The following MYORG variants were observed in gnomAD, a reference collection of about 807,000 sequenced individuals.
MYORG encodes myogenesis regulating glycosidase.
MYORG carries 45 observed loss-of-function variants against 49.8 expected under a neutral mutation model. That is an observed-to-expected ratio of 0.90 (90% CI 0.71 to 1.16). The LOEUF (loss-of-function observed/expected upper bound fraction) is 1.16, where lower values mean the gene tolerates loss of function less well. MYORG is among the 50% of genes most tolerant of loss of function. The pLI, the probability that MYORG is intolerant of heterozygous loss-of-function variation, is 0.00. For missense variants in MYORG, 1,110 were observed against 1,026.5 expected, an observed-to-expected ratio of 1.08 and a Z score of -1.11; for synonymous variants, 552 against 462.9, an observed-to-expected ratio of 1.19 and a Z score of -2.47.
In MYORG at chr9:34,371,959, C is replaced by T; in HGVS notation, c.985G>A (p.Asp329Asn). The T allele has an allele frequency of 6.2e-7, 1 of 1,614,024 alleles. No homozygotes were observed. The highest frequency in any genetic ancestry group is 1.1e-5 in the South Asian group (1 of 91,082). ...GCAAAACGCAGCACCTTGTCCTGGT[C>T]CACGGCGCGCCCGTACAGCGCCCAT... ...STWALYGRAVDQDKVLRFAQQ... is the reference protein window; with the variant it reads ...STWALYGRAVNQDKVLRFAQQ... The change falls in exon 2 of 2, where the codon GAC (aspartate) becomes AAC (asparagine). Residue 329 changes from aspartate (D) to asparagine (N), a missense_variant. Coordinates refer to ENST00000297625, the MANE Select transcript of MYORG (RefSeq NM_020702.5).
Position 34,372,970 on chromosome 9 carries a change from C to A in MYORG, c.-27G>T, listed in dbSNP as rs1307983798. ...AGTGGGCTGCTAAGAAAGGAGCGGG[C>A]CGTGGGGCCATCTGACTGAGTTCAT... On this transcript the variant is annotated 5_prime_UTR_variant, in exon 2 of 2. Coordinates refer to ENST00000297625, the MANE Select transcript of MYORG (RefSeq NM_020702.5). 1 of 1,602,842 alleles carries A rather than the reference C, an allele frequency of 6.2e-7. No homozygotes were observed. The highest frequency in any genetic ancestry group is 8.5e-7 in the Non-Finnish European group (1 of 1,172,708).
chr9:34,372,735 G>A lies in MYORG; in HGVS notation c.209C>T (p.Ala70Val), dbSNP rs1308338786. 4 of 1,613,486 alleles carry A rather than the reference G, an allele frequency of 2.5e-6. No individual in the cohort carries two copies. Among genetic ancestry groups the A allele is most frequent in the Non-Finnish European group, 3.4e-6 (4 of 1,179,700 alleles). Reference protein sequence around the residue: ...SAVLGLLLVLAAVVAWCYYSV... With the variant: ...SAVLGLLLVLVAVVAWCYYSV... ...GTAGTAGCACCAGGCCACCACCGCG[G>A]CCAGCACAAGCAGCAGCCCCAGAAC... The change falls in exon 2 of 2, where the codon GCC (alanine) becomes GTC (valine). Residue 70 changes from alanine to valine, a missense_variant. Physicochemically the swap from Ala to Val is moderately conservative, Grantham distance 64 (BLOSUM62 0). Transcript: ENST00000297625.
rs1342527853 is a variant in MYORG, at chr9:34,372,555, G to T, written c.389C>A (p.Ala130Asp). Residue 130 changes from alanine (A) to aspartate (D), a missense_variant, in exon 2 of 2, where the codon GCC (alanine) becomes GAC (aspartate). Coordinates refer to ENST00000297625, the MANE Select transcript of MYORG (RefSeq NM_020702.5). ...GGCCGTGAGCGAGCAGCCCAGCAGGGCGCCATCGCGGCTGCAGGAGTCAAG... is the reference window on the plus strand; with the variant it reads ...GGCCGTGAGCGAGCAGCCCAGCAGGTCGCCATCGCGGCTGCAGGAGTCAAG... ...LDLDSCSRDG[A>D]LLGCSLTADG... 3.7e-6 allele frequency: 6 copies of T among 1,601,858 alleles called. No homozygotes were observed. Among genetic ancestry groups the T allele is most frequent in the Non-Finnish European group, 5.1e-6 (6 of 1,174,920 alleles).
Position 34,367,295 on chromosome 9 carries a change from T to C in MYORG, c.*3504A>G, listed in dbSNP as rs1170409273. ...TGGATGGGGACACAGCCAAACCATATCATTCTCTCCCTGGCCCCTCCCAAA... is the reference window on the plus strand; with the variant it reads ...TGGATGGGGACACAGCCAAACCATACCATTCTCTCCCTGGCCCCTCCCAAA... On this transcript the variant is annotated 3_prime_UTR_variant, in exon 2 of 2. Transcript: ENST00000297625. 4 of 152,114 alleles carry C rather than the reference T, an allele frequency of 2.6e-5. No homozygotes were observed. The highest frequency in any genetic ancestry group is 6.5e-5 in the Admixed American group (1 of 15,276). The allele number at this position is 152,114 out of a possible 1,614,324, so 9.4% of individuals were successfully genotyped here.
At position 34,372,677 on chromosome 9, in the gene MYORG, G is replaced by A. The variant is rs781425533; in HGVS notation, c.267C>T (p.Arg89=). The change falls in exon 2 of 2, where the codon CGC becomes CGT. Residue 89 remains arginine (R), a synonymous_variant. Coordinates refer to ENST00000297625, the MANE Select transcript of MYORG (RefSeq NM_020702.5). ...SVSLRKAERL[R]AELLDLKAGG... Reference sequence around the variant, plus strand: ...CAGCTTTCAGGTCCAGCAGCTCCGCGCGAAGTCGCTCCGCCTTGCGTAGGG... The same window carrying A: ...CAGCTTTCAGGTCCAGCAGCTCCGCACGAAGTCGCTCCGCCTTGCGTAGGG... 1 of 1,609,152 alleles carries A rather than the reference G, an allele frequency of 6.2e-7. No individual in the cohort carries two copies. The highest frequency in any genetic ancestry group is 2.2e-5 in the East Asian group (1 of 44,732).
Position 34,372,190 on chromosome 9 carries a change from T to C in MYORG, c.754A>G (p.Thr252Ala). 6.2e-7 allele frequency: 1 copy of C among 1,612,110 alleles called. No individual in the cohort carries two copies. Among genetic ancestry groups the C allele is most frequent in the Non-Finnish European group, 8.5e-7 (1 of 1,179,494 alleles). The change falls in exon 2 of 2, where the codon ACG (threonine) becomes GCG (alanine). Residue 252 changes from threonine to alanine, a missense_variant. By Grantham distance (58) the Thr-to-Ala change is moderately conservative. Coordinates refer to ENST00000297625, the MANE Select transcript of MYORG (RefSeq NM_020702.5). ...GCCTGAAGCCGCAGCGAGCGCTCCG[T>C]GCTGTTCCAGCCCAGGTGGAAGGGC... Reference protein sequence around the residue: ...SVPFHLGWNSTERSLRLQARY... With the variant: ...SVPFHLGWNSAERSLRLQARY...
rs1317680181 is a variant in MYORG, at chr9:34,372,840, A to G, written c.104T>C (p.Met35Thr). The G allele has an allele frequency of 3.1e-6, 5 of 1,613,920 alleles. No individual in the cohort carries two copies. Among genetic ancestry groups the G allele is most frequent in the Admixed American group, 1.7e-5 (1 of 60,012 alleles). ...GAAGTTGTCGGGCAGGAAGGTGTAC[A>G]TAGCTGCGGCTGCGATGGCCTCGGG... The part of the protein sequence containing the change: ...QNPEAIAAAA[M>T]YTFLPDNFSP... The change falls in exon 2 of 2, where the codon ATG becomes ACG. Residue 35 changes from methionine (M) to threonine (T), a missense_variant. By Grantham distance (81) the Met-to-Thr change is moderately conservative (BLOSUM62 -1). Coordinates refer to ENST00000297625, the MANE Select transcript of MYORG (RefSeq NM_020702.5).
chr9:34,372,648 C>T lies in MYORG; in HGVS notation c.296G>A (p.Gly99Asp), dbSNP rs1297514923. ...TCCCTTCTGATTGCGGATGGAGAAG[C>T]CGCCAGCTTTCAGGTCCAGCAGCTC... ...RAELLDLKAG[G>D]FSIRNQKGEQ... is the part of the protein sequence containing the mutation. The change falls in exon 2 of 2, where the codon GGC becomes GAC. Residue 99 changes from glycine to aspartate, a missense_variant. Gly to Asp is a moderately conservative substitution (Grantham distance 94, BLOSUM62 -1). Transcript: ENST00000297625. The T allele has an allele frequency of 1.4e-5, 22 of 1,607,066 alleles. No individual in the cohort carries two copies. The highest frequency in any genetic ancestry group is 1.9e-5 in the Non-Finnish European group (22 of 1,177,066).
In MYORG at chr9:34,371,675, C is replaced by T. The variant is rs764057941; in HGVS notation, c.1269G>A (p.Val423=). 3 of 1,608,896 alleles carry T rather than the reference C, an allele frequency of 1.9e-6. No individual in the cohort carries two copies. Among genetic ancestry groups the T allele is most frequent in the Non-Finnish European group, 2.5e-6 (3 of 1,177,718 alleles). The change falls in exon 2 of 2, where the codon GTG becomes GTA. Residue 423 remains valine (V), a synonymous_variant. Coordinates refer to ENST00000297625, the MANE Select transcript of MYORG (RefSeq NM_020702.5). Reference sequence around the variant, plus strand: ...CCGCGCCGATGCCGTTCCACCAGCGCACCAGCGCAGGTAACCGGCCCGTGG... The same window carrying T: ...CCGCGCCGATGCCGTTCCACCAGCGTACCAGCGCAGGTAACCGGCCCGTGG... ...REPTGRLPAL[V]RWWNGIGAVL...
Position 34,372,437 on chromosome 9 carries a change from G to T in MYORG, c.507C>A (p.Gly169=), listed in dbSNP as rs898510440. The T allele has an allele frequency of 1.3e-6, 2 of 1,579,272 alleles. No homozygotes were observed. The highest frequency in any genetic ancestry group is 1.8e-5 in the Admixed American group (1 of 54,600). The part of the protein sequence containing the change: ...YRVRWEEAAP[G]RAVEHAMFLG... ...AGAACATGGCGTGCTCCACGGCCCGGCCCGGCGCTGCCTCCTCCCAGCGCA... is the reference window on the plus strand; with the variant it reads ...AGAACATGGCGTGCTCCACGGCCCGTCCCGGCGCTGCCTCCTCCCAGCGCA... Residue 169 remains glycine (G), a synonymous_variant, in exon 2 of 2, where the codon GGC becomes GGA. Transcript: ENST00000297625.
Position 34,372,543 on chromosome 9 carries a change from C to G in MYORG, c.401G>C (p.Cys134Ser). 6.2e-7 allele frequency: 1 copy of G among 1,600,520 alleles called. No individual in the cohort carries two copies. The highest frequency in any genetic ancestry group is 8.5e-7 in the Non-Finnish European group (1 of 1,174,034). Residue 134 changes from cysteine to serine, a missense_variant, in exon 2 of 2, where the codon TGC (cysteine) becomes TCC (serine). Transcript: ENST00000297625. ...SCSRDGALLGCSLTADGLPLH... is the reference protein window; with the variant it reads ...SCSRDGALLGSSLTADGLPLH... Reference sequence around the variant, plus strand: ...CGGCAGCCCGTCGGCCGTGAGCGAGCAGCCCAGCAGGGCGCCATCGCGGCT... The same window carrying G: ...CGGCAGCCCGTCGGCCGTGAGCGAGGAGCCCAGCAGGGCGCCATCGCGGCT...
At position 34,373,455 on chromosome 9, in the gene MYORG, TGAGA is replaced by T. The variant is rs1160760412; in HGVS notation, c.-63-453_-63-450del. Among the ~76,000 whole-genome samples the T allele has an allele frequency of 3.3e-5, 5 of 151,936 alleles. No individual in the cohort carries two copies. In the East Asian group the frequency reaches 7.7e-4, roughly 23 times the overall value. ...AGGGGGTATTGTCCAGCCAGCTCCT[TGAGA>T]CTTTTTTTTTTGAAATGGAGTCTCT... is the stretch of plus-strand genomic sequence containing the variant. On this transcript the variant is annotated intron_variant, in intron 1 of 1. Transcript: ENST00000297625.
In MYORG at chr9:34,370,295, AG is replaced by A. The variant is rs1820567890; in HGVS notation, c.*503del. ...ACTGGGACCAAATCAGCCACAGTTC[AG>A]GTGAGTGCTGGGGACTCAGGGCCTG... On this transcript the variant is annotated 3_prime_UTR_variant, in exon 2 of 2. Transcript: ENST00000297625. 1 of 153,924 alleles carries A rather than the reference AG, an allele frequency of 6.5e-6. No homozygotes were observed. Among genetic ancestry groups the A allele is most frequent in the Non-Finnish European group, 1.4e-5 (1 of 69,248 alleles). The allele number at this position is 153,924 out of a possible 1,614,324, so 9.5% of individuals were successfully genotyped here.
In MYORG at chr9:34,367,038, T is replaced by A. The variant is rs1820512304; in HGVS notation, c.*3761A>T. 2.0e-5 allele frequency: 3 copies of A among 152,698 alleles called. No individual in the cohort carries two copies. Among genetic ancestry groups the A allele is most frequent in the African/African-American group, 7.2e-5 (3 of 41,458 alleles). The allele number at this position is 152,698 out of a possible 1,614,324, so 9.5% of individuals were successfully genotyped here. A position where few individuals can be genotyped will look rare whatever the true frequency, so the allele number is the denominator to read the frequency against. ...GAGGTTTAATGAACTCACAGTTCCA[T>A]GTGGCTGGGAGGCCTCACAATCATG... On this transcript the variant is annotated 3_prime_UTR_variant, in exon 2 of 2. Transcript: ENST00000297625.
chr9:34,373,840 G>T (rs1412646860), intron 1 of MYORG, among the ~76,000 whole-genome samples: 1 of 152,230 alleles, frequency 6.6e-6, no homozygotes, highest in Non-Finnish European at 1.5e-5. Flanking sequence ...GCTCAGGGAT[G>T]TGTTTTTATC....
rs1312146280 is a variant in MYORG, at chr9:34,367,228, G to C, written c.*3571C>G. On this transcript the variant is annotated 3_prime_UTR_variant, in exon 2 of 2. Coordinates refer to ENST00000297625, the MANE Select transcript of MYORG (RefSeq NM_020702.5). ...CTATGATTCAATTATCTCCCACCAG[G>C]TCCCTCCCACAATTATGGGAGCTAC... is the stretch of plus-strand genomic sequence containing the variant. 2 of 152,028 alleles carry C rather than the reference G, an allele frequency of 1.3e-5. No homozygotes were observed. The highest frequency in any genetic ancestry group is 2.9e-5 in the Non-Finnish European group (2 of 68,008). 9.4% of individuals were successfully genotyped at this position (152,028 alleles called of 1,614,324 possible).
At position 34,371,701 on chromosome 9, in the gene MYORG, G is replaced by C. The variant is rs900569240; in HGVS notation, c.1243C>G (p.Pro415Ala). Residue 415 changes from proline to alanine, a missense_variant, in exon 2 of 2, where the codon CCC (proline) becomes GCC (alanine). By Grantham distance (27) the Pro-to-Ala change is conservative. Coordinates refer to ENST00000297625, the MANE Select transcript of MYORG (RefSeq NM_020702.5). ...ACCAGCGCAGGTAACCGGCCCGTGG[G>C]TTCGCGCACGAACAGCTCGCGCTCC... ...GVERELFVRE[P>A]TGRLPALVRW... The C allele has an allele frequency of 6.2e-7, 1 of 1,610,824 alleles. No homozygotes were observed. The highest frequency in any genetic ancestry group is 1.3e-5 in the African/African-American group (1 of 74,908).
At position 34,371,021 on chromosome 9, in the gene MYORG, C is replaced by A. The variant is rs1588002960; in HGVS notation, c.1923G>T (p.Ala641=). 1.2e-6 allele frequency: 2 copies of A among 1,613,164 alleles called. No individual in the cohort carries two copies. Among genetic ancestry groups the A allele is most frequent in the Non-Finnish European group, 8.5e-7 (1 of 1,179,860 alleles). ...TACGGTGAGCTGTCTCGTCGCCGGG[C>A]GCAATCCACCAAAGGGGGCGCACGA... ...DPIVRPLWWI[A]PGDETAHRID... is the part of the protein sequence containing the mutation. Residue 641 remains alanine, a synonymous_variant, in exon 2 of 2, where the codon GCG becomes GCT. Coordinates refer to ENST00000297625, the MANE Select transcript of MYORG (RefSeq NM_020702.5).
At position 34,376,710 on chromosome 9, in the gene MYORG, C is replaced by T. The variant is rs1251282872; in HGVS notation, c.-64+83G>A. On this transcript the variant is annotated intron_variant, in intron 1 of 1. Coordinates refer to ENST00000297625, the MANE Select transcript of MYORG (RefSeq NM_020702.5). The surrounding 1 kb of genome is among the most constrained non-coding windows in gnomAD (Gnocchi z 4.4). ...GCCCAGGTGTTCAGGCTCGCTCCAC[C>T]CATTCATCGGTGGGAGCGAAAGTTC... is the stretch of plus-strand genomic sequence containing the variant. 3 of 152,340 alleles carry T rather than the reference C, an allele frequency of 2.0e-5. No homozygotes were observed. The highest frequency in any genetic ancestry group is 7.2e-5 in the African/African-American group (3 of 41,464). The allele number at this position is 152,340 out of a possible 1,614,324, so 9.4% of individuals were successfully genotyped here.
Sources: gnomAD v4.1 joint callset for allele counts (sites outside exome capture counted in the v4.1 genomes callset) on GRCh38, gnomAD v4.1.1 for gene constraint, Gnocchi (gnomAD v3.1) non-coding constraint, MANE v1.5 for transcripts, NCBI Gene and HGNC (gene_info 2026-07-23, HGNC 2026-07-21) for gene names.